EPHX1: variants seen among roughly 807,000 people sequenced by gnomAD.
The protein encoded by EPHX1 is epoxide hydratase.
EPHX1 carries 40 observed loss-of-function variants against 43.2 expected under a neutral mutation model. The observed-to-expected ratio is 0.93, with a 90% CI of 0.72 to 1.21. The LOEUF (loss-of-function observed/expected upper bound fraction) is 1.21, where lower values mean the gene tolerates loss of function less well. Among genes scored for constraint, EPHX1 ranks in the 50% most tolerant of loss-of-function variants. The probability of loss-of-function intolerance (pLI) is 0.00; values close to 1 mark genes in which losing one functional copy is unlikely to be tolerated. For missense variants in EPHX1, 550 were observed against 570.4 expected (o/e 0.96, Z 0.36); for synonymous variants, 221 against 226.7 (o/e 0.98, Z 0.22).
chr1:225,828,390 C>G (rs1421670949), intron 1 of EPHX1, among the ~76,000 whole-genome samples: 2 of 151,532 alleles, frequency 1.3e-5, no homozygotes. Context: ...CCCAAAACCC[C>G]CTACCCAGGG....
chr1:225,822,017 G>GTAA (rs1236987453), intron 1 of EPHX1, among the ~76,000 whole-genome samples: 1 of 152,240 alleles, frequency 6.6e-6, no homozygotes, highest in East Asian at 1.9e-4. Flanking sequence ...TCTTTGAAGG[G>GTAA]TAAAGACCAT....
In EPHX1 at chr1:225,822,894, G is replaced by A. The variant is rs556107073; in HGVS notation, c.-5-5831G>A. On this transcript the variant is annotated intron_variant, in intron 1 of 8. Transcript: ENST00000272167. ...TGCCTGACGCCATGCACTCCCTCAC[G>A]TCCAGCCTGTTTATGTGCACACGGC... 1.5e-4 allele frequency among the ~76,000 whole-genome samples: 23 copies of A among 152,216 alleles called. No individual in the cohort carries two copies. The South Asian group carries it at 4.4e-3, about 29-fold the overall frequency.
rs1302566204 is a variant in EPHX1, at chr1:225,819,226, C to CAAAAAAA, written c.-6+9072_-6+9078dup. ...TGGGCGACAGAGCGAGACTCCGTCTCAAAAAAAAAAAAAAAAAAAAATACA... is the reference window on the plus strand; with the variant it reads ...TGGGCGACAGAGCGAGACTCCGTCTCAAAAAAAAAAAAAAAAAAAAAAAAAAAATACA... On this transcript the variant is annotated intron_variant, in intron 1 of 8. Transcript: ENST00000272167. 8.9e-4 allele frequency among the ~76,000 whole-genome samples: 4 copies of CAAAAAAA among 4,502 alleles called. 1 individual carries two copies. The highest frequency in any genetic ancestry group is 1.6e-3 in the African/African-American group (2 of 1,280). 3.0% of individuals were successfully genotyped at this position (4,502 alleles called of 152,430 possible).
rs758998279 is a variant in EPHX1, at chr1:225,831,887, C to A, written c.292C>A (p.Arg98=). ...NYLKKVISYW[R]NEFDWKKQVE... ...CCTGAAGAAAGTCATCTCCTACTGG[C>A]GGAATGAATTTGACTGGAAGAAGCA... The change falls in exon 3 of 9, where the codon CGG becomes AGG. Residue 98 remains arginine (R), a synonymous_variant. Transcript: ENST00000272167. 1 of 1,614,004 alleles carries A rather than the reference C, an allele frequency of 6.2e-7. No individual in the cohort carries two copies. Among genetic ancestry groups the A allele is most frequent in the Non-Finnish European group, 8.5e-7 (1 of 1,180,028 alleles).
At chr1:225,831,332 T>C (rs1248399941) in intron 2 of EPHX1, among the ~76,000 whole-genome samples, 1 of 152,106 alleles carries the variant, frequency 6.6e-6, no homozygotes, top group Non-Finnish European at 1.5e-5. Flanking sequence ...ACAGATCACT[T>C]GAAGCCAGGA....
chr1:225,826,447 C>CAA (rs374232833), intron 1 of EPHX1, among the ~76,000 whole-genome samples: 4,076 of 83,358 alleles, frequency 0.049, 213 homozygotes, highest in African/African-American at 0.13. Flanking sequence ...GACTCTGTCT[C>CAA]AAAAAAAAAA....
At chr1:225,828,964 G>C in intron 2 of EPHX1, 52 bp downstream of exon 2, 2 of 1,547,190 alleles carry the variant, frequency 1.3e-6, no homozygotes, top group Non-Finnish European at 1.7e-6. Flanking sequence ...GTGGTGTGTC[G>C]AAGACAGGGG....
chr1:225,812,509 G>T (rs912506588), intron 1 of EPHX1, among the ~76,000 whole-genome samples: 17 of 152,158 alleles, frequency 1.1e-4, no homozygotes, highest in Admixed American at 2.0e-4. Context: ...GGGGTGTCCT[G>T]GTTCCTGCCT....
chr1:225,844,434 G>T, intron 7 of EPHX1, 64 bp from the exon 8 acceptor site: 4 of 1,613,358 alleles, frequency 2.5e-6, no homozygotes, highest in Non-Finnish European at 2.5e-6. Flanking sequence ...GGACTTTCTG[G>T]CTGCCCTTTG....
intron 1 of EPHX1, among the ~76,000 whole-genome samples, chr1:225,819,399 TAA>T (rs56943900): frequency 1.4e-5 from 2 of 142,612 alleles, no homozygotes; most frequent in South Asian, 2.2e-4. Context: ...AGACTCCATC[TAA>T]AAAAAAAAAA....
intron 2 of EPHX1, 42 bp downstream of exon 2, chr1:225,828,954 G>A (rs1466474556): frequency 6.4e-7 from 1 of 1,550,874 alleles, no homozygotes; most frequent in South Asian, 1.2e-5. Flanking sequence ...AGTGGAGAGG[G>A]TGGTGTGTCG....
intron 7 of EPHX1, among the ~76,000 whole-genome samples, chr1:225,843,970 G>A (rs185507044): frequency 1.1e-4 from 17 of 152,292 alleles, no homozygotes; most frequent in Admixed American, 3.3e-4. Context: ...TTGGGAGGGC[G>A]TGCTCTGGGG....
rs1405958454 is a variant in EPHX1 at position 225,839,470 on chromosome 1, C to CT, written c.722+125dup. On this transcript the variant is annotated intron_variant, in intron 5 of 8. Coordinates refer to ENST00000272167, the MANE Select transcript of EPHX1 (RefSeq NM_001136018.4). ...CCCAGGGGAGAGGAGGGAGTGTGAC[C>CT]TGTCACTCAGCAGTGCCTGAGGCAC... 5 of 1,519,884 alleles carry CT rather than the reference C, an allele frequency of 3.3e-6. No individual in the cohort carries two copies. In the African/African-American group the frequency reaches 6.9e-5, roughly 21 times the overall value. 94.1% of individuals were successfully genotyped at this position (1,519,884 alleles called of 1,614,324 possible). A position where few individuals can be genotyped will look rare whatever the true frequency, so the allele number is the denominator to read the frequency against.
chr1:225,814,547 G>A (rs1666632864), intron 1 of EPHX1, among the ~76,000 whole-genome samples: 1 of 152,180 alleles, frequency 6.6e-6, no homozygotes, highest in Non-Finnish European at 1.5e-5. Flanking sequence ...TCTCTGCCAC[G>A]GGCCCGCCTG....
Position 225,845,508 on chromosome 1 carries a change from C to G in EPHX1, c.*161C>G. 2.9e-6 allele frequency: 2 copies of G among 684,214 alleles called. No homozygotes were observed. Among genetic ancestry groups the G allele is most frequent in the East Asian group, 5.4e-5 (2 of 36,964 alleles). The allele number at this position is 684,214 out of a possible 1,614,324, so 42.4% of individuals were successfully genotyped here. A position where few individuals can be genotyped will look rare whatever the true frequency, so the allele number is the denominator to read the frequency against. Reference sequence around the variant, plus strand: ...ACCCCTCCAAGCTCACTCCCCAACCCCCAACTCCGTGTGGTAAGCAACATG... The same window carrying G: ...ACCCCTCCAAGCTCACTCCCCAACCGCCAACTCCGTGTGGTAAGCAACATG... On this transcript the variant is annotated 3_prime_UTR_variant, in exon 9 of 9. Coordinates refer to ENST00000272167, the MANE Select transcript of EPHX1 (RefSeq NM_001136018.4).
In EPHX1 at chr1:225,829,651, G is replaced by A. The variant is rs117146989; in HGVS notation, c.183+739G>A. ...CCCTGCCAATCCTTTCTTTCATTCC[G>A]TGGGTTTTGAGCACCTACTGTGTGC... On this transcript the variant is annotated intron_variant, in intron 2 of 8. Transcript: ENST00000272167. 3.0e-3 allele frequency among the ~76,000 whole-genome samples: 459 copies of A among 152,276 alleles called. 8 individuals carry two copies. The East Asian group carries it at 0.039, about 13-fold the overall frequency.
At position 225,840,163 on chromosome 1, in the gene EPHX1, G is replaced by A. The variant is rs55706532; in HGVS notation, c.931+126G>A. On this transcript the variant is annotated intron_variant, in intron 6 of 8. Coordinates refer to ENST00000272167, the MANE Select transcript of EPHX1 (RefSeq NM_001136018.4). ...GGAAGCCTCTTGTAAGGACCTCCCA[G>A]CTCTTTAGATCTTTAAACTGCATTT... 8,416 of 843,052 alleles carry A rather than the reference G, an allele frequency of 1.0e-2. 466 individuals carry two copies. The African/African-American group carries it at 0.12, about 12-fold the overall frequency. The allele number at this position is 843,052 out of a possible 1,614,324, so 52.2% of individuals were successfully genotyped here. A position where few individuals can be genotyped will look rare whatever the true frequency, so the allele number is the denominator to read the frequency against.
chr1:225,820,024 G>A (rs1359944181), intron 1 of EPHX1, among the ~76,000 whole-genome samples: 5 of 152,150 alleles, frequency 3.3e-5, no homozygotes, highest in African/African-American at 1.2e-4. Context: ...TGAGTTCTGA[G>A]TAATCTCCTG....
At chr1:225,823,312 T>A (rs1667067266) in intron 1 of EPHX1, among the ~76,000 whole-genome samples, 1 of 152,168 alleles carries the variant, frequency 6.6e-6, no homozygotes, top group Non-Finnish European at 1.5e-5. Flanking sequence ...ATTACAGTCA[T>A]GAGCTACCAC....
Sources: gnomAD v4.1 joint callset for allele counts (sites outside exome capture counted in the v4.1 genomes callset) on GRCh38, gnomAD v4.1.1 for gene constraint, MANE v1.5 for transcripts, NCBI Gene and HGNC (gene_info 2026-07-23, HGNC 2026-07-21) for gene names.